The following MED1 variants were observed in gnomAD, a reference collection of about 807,000 sequenced individuals.
MED1 encodes the protein mediator of RNA polymerase II transcription subunit 1.
In MED1, 17 loss-of-function variants were observed where a neutral mutation model predicts 121.3. The ratio of observed to expected loss-of-function variants is 0.14; its 90% CI spans 0.10 to 0.21. The LOEUF (loss-of-function observed/expected upper bound fraction) is 0.21. Among genes scored for constraint, MED1 ranks in the 10% least tolerant of loss-of-function variants. The pLI is 1.00. For synonymous variants in MED1, 661 were observed against 694.4 expected, an observed-to-expected ratio of 0.95 and a Z score of 0.76; for missense variants, 1,558 against 1,919.4, an observed-to-expected ratio of 0.81 and a Z score of 3.52.
rs2048660629 is a variant in MED1, at chr17:39,440,074, AAGC to A, written c.399+309_399+311del. Among the ~76,000 whole-genome samples the A allele has an allele frequency of 2.0e-5, 3 of 149,496 alleles. No homozygotes were observed. The highest frequency in any genetic ancestry group is 2.1e-4 in the South Asian group (1 of 4,816). On this transcript the variant is annotated intron_variant, in intron 5 of 16. Coordinates refer to ENST00000300651, the MANE Select transcript of MED1 (RefSeq NM_004774.4). This position sits in a 1 kb window ranked among gnomAD's most constrained non-coding sequence, Gnocchi z 4.1. The stretch of plus-strand genomic sequence containing the variant: ...AAAGAAAAGAAAGAAAAGAAAAAGA[AAGC>A]AAGCAAGCAAGCAAGAAAGAAAGAA...
At chr17:39,429,462 G>A (rs1032160511) in intron 9 of MED1, among the ~76,000 whole-genome samples, 8 of 151,906 alleles carry the variant, frequency 5.3e-5, no homozygotes, top group African/African-American at 9.7e-5. Flanking sequence ...TTGGGAGGCC[G>A]AGACAGGCAG....
At chr17:39,443,528 T>C (rs944989109) in intron 3 of MED1, 22 bp downstream of exon 3, 3 of 1,593,454 alleles carry the variant, frequency 1.9e-6, no homozygotes, top group Admixed American at 1.7e-5. Flanking sequence ...GAAATCAGCA[T>C]ATTTCAAAAG....
At position 39,443,534 on chromosome 17, in the gene MED1, A is replaced by G. The variant is rs764746538; in HGVS notation, c.211+16T>C. ...GGGTTTTGTGAAATCAGCATATTTCAAAAGTGTTCACAAACCTTTGAGAGC... is the reference window on the plus strand; with the variant it reads ...GGGTTTTGTGAAATCAGCATATTTCGAAAGTGTTCACAAACCTTTGAGAGC... On this transcript the variant is annotated intron_variant, in intron 3 of 16. Transcript: ENST00000300651. The G allele has an allele frequency of 3.1e-5, 49 of 1,605,794 alleles. No individual in the cohort carries two copies. The highest frequency in any genetic ancestry group is 3.3e-4 in the Middle Eastern group (2 of 6,070).
chr17:39,450,104 G>A (rs1428564523), intron 1 of MED1, among the ~76,000 whole-genome samples: 3 of 133,444 alleles, frequency 2.2e-5, no homozygotes, highest in African/African-American at 7.5e-5. Flanking sequence ...GTGAGCCACA[G>A]TGCCCGGCAA....
chr17:39,433,382 A>G (rs2048586086), intron 7 of MED1, among the ~76,000 whole-genome samples: 1 of 151,636 alleles, frequency 6.6e-6, no homozygotes, highest in Non-Finnish European at 1.5e-5. Flanking sequence ...AAAAAAAGAA[A>G]AAAAAAAAAC....
Position 39,439,209 on chromosome 17 carries a change from A to G in MED1, c.400-16T>C. 6.3e-7 allele frequency: 1 copy of G among 1,576,708 alleles called. No individual in the cohort carries two copies. The highest frequency in any genetic ancestry group is 8.5e-7 in the Non-Finnish European group (1 of 1,170,826). On this transcript the variant is annotated splice_polypyrimidine_tract_variant and intron_variant, in intron 5 of 16. Coordinates refer to ENST00000300651, the MANE Select transcript of MED1 (RefSeq NM_004774.4). ...CCGGACAGCTCTGAAATCAAAGAAAATTATGTTAAAACATTAAAACTACTT... is the reference window on the plus strand; with the variant it reads ...CCGGACAGCTCTGAAATCAAAGAAAGTTATGTTAAAACATTAAAACTACTT...
chr17:39,417,013 C>T (rs1460181796), intron 14 of MED1, among the ~76,000 whole-genome samples: 1 of 151,934 alleles, frequency 6.6e-6, no homozygotes, highest in Admixed American at 6.6e-5. Flanking sequence ...TTTCCAATCT[C>T]GATAACAGAG....
chr17:39,442,863 C>T (rs1199035247), intron 3 of MED1, among the ~76,000 whole-genome samples: 1 of 142,016 alleles, frequency 7.0e-6, no homozygotes, highest in Non-Finnish European at 1.5e-5. Context: ...CGAGATTCCA[C>T]CACTGCACTC....
At chr17:39,446,404 C>CGCA (rs1294812629) in intron 2 of MED1, among the ~76,000 whole-genome samples, 1 of 143,250 alleles carries the variant, frequency 7.0e-6, no homozygotes, top group East Asian at 2.1e-4. Flanking sequence ...GAGCCGAGAT[C>CGCA]GCACCACTGC....
Position 39,405,256 on chromosome 17 carries a change from C to G in MED1, c.*2219G>C, listed in dbSNP as rs760430241. 17 of 1,600,750 alleles carry G rather than the reference C, an allele frequency of 1.1e-5. No homozygotes were observed. In the Middle Eastern group the frequency reaches 6.7e-4, roughly 63 times the overall value. On this transcript the variant is annotated 3_prime_UTR_variant, in exon 17 of 17. Transcript: ENST00000300651. ...TGGGTCAGTGTGGGGGTGAGCCCAT[C>G]GACAATTCAGGGGCTTATCCTTCAT...
intron 3 of MED1, among the ~76,000 whole-genome samples, chr17:39,442,289 T>A (rs187224066): frequency 6.6e-6 from 1 of 151,944 alleles, no homozygotes; most frequent in African/African-American, 2.4e-5. Flanking sequence ...CGTAAAAATC[T>A]TTTTAGAGTT....
In MED1 at chr17:39,413,522, A is replaced by C. The variant is rs555923090; in HGVS notation, c.1499+1504T>G. Among the ~76,000 whole-genome samples the C allele has an allele frequency of 2.6e-5, 4 of 152,206 alleles. No individual in the cohort carries two copies. The South Asian group carries it at 8.3e-4, about 32-fold the overall frequency. On this transcript the variant is annotated intron_variant, in intron 16 of 16. Transcript: ENST00000300651. ...AGTAATCTGCCCGCCTTGGCCTCCCAAAGTGCTGGATTACAGGCATGCACT... is the reference window on the plus strand; with the variant it reads ...AGTAATCTGCCCGCCTTGGCCTCCCCAAGTGCTGGATTACAGGCATGCACT...
intron 1 of MED1, among the ~76,000 whole-genome samples, chr17:39,448,613 A>G (rs1436029654): frequency 6.6e-6 from 1 of 152,054 alleles, no homozygotes; most frequent in Non-Finnish European, 1.5e-5. Flanking sequence ...AAGAAAAAAA[A>G]TAAATGAAAA....
rs1185584560 is a variant in MED1 at position 39,419,729 on chromosome 17, T to C, written c.1285A>G (p.Ile429Val). The C allele has an allele frequency of 1.2e-6, 2 of 1,611,722 alleles. No individual in the cohort carries two copies. The highest frequency in any genetic ancestry group is 1.7e-6 in the Non-Finnish European group (2 of 1,177,938). ...TLIGSCVKRT[I>V]LKEDSPGLLQ... Reference sequence around the variant, plus strand: ...GGAAAGGCAGTACCTTCTTTCAGAATAGTTCTTTTGACACAGCTTCCAATG... The same window carrying C: ...GGAAAGGCAGTACCTTCTTTCAGAACAGTTCTTTTGACACAGCTTCCAATG... Residue 429 changes from isoleucine to valine, a missense_variant, in exon 14 of 17, where the codon ATT becomes GTT. Coordinates refer to ENST00000300651, the MANE Select transcript of MED1 (RefSeq NM_004774.4).
intron 2 of MED1, among the ~76,000 whole-genome samples, chr17:39,444,477 A>G (rs1427902752): frequency 2.0e-5 from 3 of 151,590 alleles, no homozygotes; most frequent in Admixed American, 2.0e-4. Flanking sequence ...ACTGCACTCC[A>G]GCCTGGCGAC....
intron 1 of MED1, among the ~76,000 whole-genome samples, chr17:39,448,457 G>A (rs578017794): frequency 5.3e-5 from 8 of 151,544 alleles, no homozygotes; most frequent in Non-Finnish European, 1.0e-4. Flanking sequence ...TGAGGCAGAA[G>A]GATCACCTCA....
At chr17:39,420,772 T>C (rs1218189308) in intron 13 of MED1, among the ~76,000 whole-genome samples, 1 of 149,180 alleles carries the variant, frequency 6.7e-6, no homozygotes, top group Non-Finnish European at 1.5e-5. Flanking sequence ...ACTACAGGCA[T>C]GAACAACCAC....
intron 16 of MED1, among the ~76,000 whole-genome samples, chr17:39,411,406 G>A (rs777679569): frequency 1.4e-4 from 21 of 151,924 alleles, no homozygotes; most frequent in Non-Finnish European, 2.4e-4. Context: ...GGATCACTTC[G>A]GGTCAGGAGT....
In MED1 at chr17:39,451,135, T is replaced by C; in HGVS notation, c.-73A>G. ...CCCCACCACTAACGGAGGAAACAAG[T>C]TGGCTCGGGATCCCGGGACGCAGGG... On this transcript the variant is annotated 5_prime_UTR_variant, in exon 1 of 17. Transcript: ENST00000300651. 3 of 1,573,350 alleles carry C rather than the reference T, an allele frequency of 1.9e-6. No individual in the cohort carries two copies. The highest frequency in any genetic ancestry group is 8.7e-7 in the Non-Finnish European group (1 of 1,150,310).
Sources: gnomAD v4.1 joint callset for allele counts (sites outside exome capture counted in the v4.1 genomes callset) on GRCh38, gnomAD v4.1.1 for gene constraint, Gnocchi (gnomAD v3.1) non-coding constraint, MANE v1.5 for transcripts, NCBI Gene and HGNC (gene_info 2026-07-23, HGNC 2026-07-21) for gene names.